The following UBA6 variants were observed in gnomAD, a reference collection of about 807,000 sequenced individuals.
The protein encoded by UBA6 is ubiquitin like modifier activating enzyme 6.
In UBA6, 87 loss-of-function variants were observed where a neutral mutation model predicts 148.3. The observed-to-expected ratio is 0.59, with a 90% CI of 0.49 to 0.70. The LOEUF (loss-of-function observed/expected upper bound fraction) is 0.70, where lower values mean the gene tolerates loss of function less well. Among genes scored for constraint, UBA6 ranks in the 30% least tolerant of loss-of-function variants. The probability of loss-of-function intolerance (pLI) is 0.00; values close to 1 mark genes in which losing one functional copy is unlikely to be tolerated. For synonymous variants in UBA6, 376 were observed against 401.0 expected (o/e 0.94, Z 0.75); for missense variants, 1,186 against 1,241.2 (o/e 0.96, Z 0.67).
At position 67,613,678 on chromosome 4, in the gene UBA6, A is replaced by T. The variant is rs1728577243; in HGVS notation, c.*5319T>A. 1 of 152,184 alleles carries T rather than the reference A, an allele frequency of 6.6e-6. No homozygotes were observed. The highest frequency in any genetic ancestry group is 2.4e-5 in the African/African-American group (1 of 41,456). 9.4% of individuals were successfully genotyped at this position (152,184 alleles called of 1,614,324 possible). A position where few individuals can be genotyped will look rare whatever the true frequency, so the allele number is the denominator to read the frequency against. ...GAAAAAAGGGAAAAAATGTTTAGAA[A>T]GAGATGTAAGGACTAAGCTCTGATA... On this transcript the variant is annotated 3_prime_UTR_variant, in exon 33 of 33. Coordinates refer to ENST00000322244, the MANE Select transcript of UBA6 (RefSeq NM_018227.6).
At chr4:67,628,417 C>T (rs924660070) in intron 27 of UBA6, among the ~76,000 whole-genome samples, 2 of 151,742 alleles carry the variant, frequency 1.3e-5, no homozygotes, top group African/African-American at 2.4e-5. Context: ...TTTCTGCTGC[C>T]TACATTGCTC....
chr4:67,659,495 C>T (rs1729786179), intron 13 of UBA6, among the ~76,000 whole-genome samples: 1 of 134,968 alleles, frequency 7.4e-6, no homozygotes, highest in South Asian at 2.4e-4. Flanking sequence ...TGTGAAGAAG[C>T]TGCCTGCTTC....
rs181263970 is a variant in UBA6 at position 67,691,376 on chromosome 4, A to C, written c.134+5269T>G. On this transcript the variant is annotated intron_variant, in intron 2 of 32. Coordinates refer to ENST00000322244, the MANE Select transcript of UBA6 (RefSeq NM_018227.6). Reference sequence around the variant, plus strand: ...AGATGTAAAGATGCAGTATTCAGTCATAAGTGCATAAAAGTCACTGTAGTA... The same window carrying C: ...AGATGTAAAGATGCAGTATTCAGTCCTAAGTGCATAAAAGTCACTGTAGTA... Among the ~76,000 whole-genome samples, 193 of 152,354 alleles carry C rather than the reference A, an allele frequency of 1.3e-3. 3 individuals are homozygous for C. The Middle Eastern group carries it at 0.02, about 16-fold the overall frequency.
chr4:67,691,762 T>C (rs548570381), intron 2 of UBA6, among the ~76,000 whole-genome samples: 1 of 151,872 alleles, frequency 6.6e-6, no homozygotes, highest in Admixed American at 6.6e-5. Flanking sequence ...GCCTGACATT[T>C]CAAGATAAAA....
intron 9 of UBA6, among the ~76,000 whole-genome samples, chr4:67,667,324 C>A (rs1305244860): frequency 6.6e-6 from 1 of 151,872 alleles, no homozygotes; most frequent in Non-Finnish European, 1.5e-5. Flanking sequence ...AAATAGTAAT[C>A]CTAAATGATT....
rs1376380593 is a variant in UBA6, at chr4:67,623,211, G to A, written c.2852C>T (p.Ser951Leu). The A allele has an allele frequency of 6.2e-7, 1 of 1,610,794 alleles. No homozygotes were observed. The change falls in exon 31 of 33, where the codon TCA (serine) becomes TTA (leucine). Residue 951 changes from serine to leucine, a missense_variant. Ser to Leu is a moderately radical substitution (Grantham distance 145). Transcript: ENST00000322244. The stretch of plus-strand genomic sequence containing the variant: ...GGTCCATCGATCCCAAATTGTAAAT[G>A]ATATTCCATTTCTGTTACAGAAAAA... ...VRKTKIRNGI[S>L]FTIWDRWTVH... is the part of the protein sequence containing the mutation.
At chr4:67,681,512 G>C (rs1468478662) in intron 4 of UBA6, 51 bp downstream of exon 4, 1 of 1,271,052 alleles carries the variant, frequency 7.9e-7, no homozygotes. Context: ...TAACAAATGA[G>C]CCAAAAAAAA....
chr4:67,630,347 T>G, intron 26 of UBA6, 119 bp downstream of exon 26: 1 of 734,750 alleles, frequency 1.4e-6, no homozygotes, highest in South Asian at 1.8e-5. Flanking sequence ...CAATAAAAAT[T>G]CTGTATCAAA....
chr4:67,646,601 G>A (rs2109917302), intron 15 of UBA6, 123 bp downstream of exon 15: 1 of 656,030 alleles, frequency 1.5e-6, no homozygotes, highest in Non-Finnish European at 2.6e-6. Context: ...TGATTCCTAA[G>A]TAGAGAAAAA....
chr4:67,633,939 G>A (rs1323594839), intron 22 of UBA6, among the ~76,000 whole-genome samples: 1 of 151,742 alleles, frequency 6.6e-6, no homozygotes, highest in African/African-American at 2.4e-5. Context: ...CTTTCCAAAG[G>A]GCTTAATAAA....
At chr4:67,698,303 C>CA (rs1317141412) in intron 1 of UBA6, among the ~76,000 whole-genome samples, 1 of 152,176 alleles carries the variant, frequency 6.6e-6, no homozygotes, top group Non-Finnish European at 1.5e-5. Context: ...CGTTAACTGT[C>CA]TGCCACTACT....
chr4:67,662,347 A>C (rs1273111005), intron 12 of UBA6, 92 bp from the exon 13 acceptor site: 3 of 1,156,166 alleles, frequency 2.6e-6, no homozygotes, highest in Non-Finnish European at 3.6e-6. Context: ...GAAATATATA[A>C]AAGAATGTGG....
intron 32 of UBA6, 152 bp from the exon 33 acceptor site, chr4:67,619,284 A>G: frequency 1.6e-6 from 1 of 634,604 alleles, no homozygotes; most frequent in Non-Finnish European, 2.7e-6. Context: ...TTCTTTACTA[A>G]AAGGTCTGAA....
chr4:67,661,120 G>A (rs543071477), intron 13 of UBA6, among the ~76,000 whole-genome samples: 3 of 152,294 alleles, frequency 2.0e-5, no homozygotes, highest in South Asian at 2.1e-4. Flanking sequence ...ATAGGTGGAA[G>A]GGACTTGCCT....
Position 67,635,624 on chromosome 4 carries a change from C to T in UBA6, c.1737-66G>A, listed in dbSNP as rs149867521. 2.3e-4 allele frequency: 218 copies of T among 931,494 alleles called. 1 individual carries two copies. In the East Asian group the frequency reaches 4.6e-3, roughly 20 times the overall value. 57.7% of individuals were successfully genotyped at this position (931,494 alleles called of 1,614,324 possible). A position where few individuals can be genotyped will look rare whatever the true frequency, so the allele number is the denominator to read the frequency against. On this transcript the variant is annotated intron_variant, in intron 19 of 32. Coordinates refer to ENST00000322244, the MANE Select transcript of UBA6 (RefSeq NM_018227.6). ...AATAACAATGTAACCAAAGGACAAC[C>T]TACAACTTTCTATTGACCATTTCAC...
chr4:67,637,539 G>C (rs2109909045), intron 19 of UBA6, among the ~76,000 whole-genome samples: 1 of 152,332 alleles, frequency 6.6e-6, no homozygotes, highest in African/African-American at 2.4e-5. Context: ...TTGTTGCTGT[G>C]TCTGTGTAGA....
chr4:67,691,733 G>A (rs550682502), intron 2 of UBA6, among the ~76,000 whole-genome samples: 4 of 152,046 alleles, frequency 2.6e-5, no homozygotes, highest in Non-Finnish European at 5.9e-5. Context: ...ACTGTAGACT[G>A]AGGTCTGCAG....
chr4:67,620,284 T>C (rs1577784047), intron 32 of UBA6, among the ~76,000 whole-genome samples: 4 of 152,212 alleles, frequency 2.6e-5, no homozygotes, highest in Admixed American at 2.6e-4. Context: ...ACAGTAGCTT[T>C]ACTTTTGTAT....
chr4:67,657,826 C>CAAA (rs57984969), intron 13 of UBA6, among the ~76,000 whole-genome samples: 3 of 115,156 alleles, frequency 2.6e-5, no homozygotes, highest in Non-Finnish European at 3.5e-5. Context: ...AACAAATTTA[C>CAAA]AAAAAAAAAA....
Sources: gnomAD v4.1 joint callset for allele counts (sites outside exome capture counted in the v4.1 genomes callset) on GRCh38, gnomAD v4.1.1 for gene constraint, MANE v1.5 for transcripts, NCBI Gene and HGNC (gene_info 2026-07-23, HGNC 2026-07-21) for gene names.